Variants in SLX4 observed in about 807,000 individuals in gnomAD.
SLX4 encodes the protein structure-specific endonuclease subunit SLX4.
In SLX4, 112 loss-of-function variants were observed where a neutral mutation model predicts 146.2. The observed-to-expected ratio is 0.77, with a 90% CI of 0.66 to 0.90. The LOEUF (loss-of-function observed/expected upper bound fraction) is 0.90. SLX4 is among the 40% of genes least tolerant of loss of function. The pLI is 0.00. For synonymous variants in SLX4, 1,061 were observed against 997.7 expected (o/e 1.06, Z -1.20); for missense variants, 2,563 against 2,392.7 (o/e 1.07, Z -1.49).
At chr16:3,598,299 C>G (rs1415585772) in intron 5 of SLX4, among the ~76,000 whole-genome samples, 3 of 152,232 alleles carry the variant, frequency 2.0e-5, no homozygotes, top group African/African-American at 7.2e-5. Context: ...CCAAGCCCAT[C>G]CAATGGAGTC....
intron 7 of SLX4, among the ~76,000 whole-genome samples, chr16:3,596,680 G>A (rs1052418409): frequency 3.3e-5 from 5 of 152,228 alleles, no homozygotes; most frequent in Admixed American, 6.5e-5. Flanking sequence ...CAGGCCTGCC[G>A]CCCTCCTGAA....
intron 12 of SLX4, among the ~76,000 whole-genome samples, chr16:3,588,687 T>C (rs1320071196): frequency 1.3e-5 from 2 of 152,088 alleles, no homozygotes; most frequent in Non-Finnish European, 2.9e-5. Context: ...GCTGAATGAG[T>C]TGTGGCCTTT....
At chr16:3,592,590 T>G (rs1486972434) in intron 11 of SLX4, 109 bp downstream of exon 11, 2 of 1,275,156 alleles carry the variant, frequency 1.6e-6, no homozygotes, top group African/African-American at 3.0e-5. Flanking sequence ...TAAACAGGAC[T>G]GTTAGTTCTC....
Position 3,600,591 on chromosome 16 carries a change from CTTT to C in SLX4, c.1163+385_1163+387del, listed in dbSNP as rs974875930. 425 of 102,604 alleles carry C rather than the reference CTTT, an allele frequency of 4.1e-3. 4 individuals carry two copies. Among genetic ancestry groups the C allele is most frequent in the Admixed American group, 5.6e-3 (41 of 7,268 alleles). 6.4% of individuals were successfully genotyped at this position (102,604 alleles called of 1,614,324 possible). On this transcript the variant is annotated intron_variant, in intron 5 of 14. Transcript: ENST00000294008. ...TTTTTCCCTCCAACACTATAAAAAG[CTTT>C]TTTTTTTTTTTTTTTTTTTTTTTTT...
At position 3,583,483 on chromosome 16, in the gene SLX4, G is replaced by A. The variant is rs2040468096; in HGVS notation, c.4767C>T (p.Arg1589=). The change falls in exon 14 of 15, where the codon CGC becomes CGT. Residue 1589 remains arginine (R), a synonymous_variant. Transcript: ENST00000294008. ...DRFGVRPLPK[R]QMVLKLKEIF... ...TCTCCTTCAGCTTCAGAACCATCTG[G>A]CGTTTAGGCAGAGGGCGGACTCCAA... The A allele has an allele frequency of 1.9e-6, 3 of 1,614,058 alleles. No homozygotes were observed. The highest frequency in any genetic ancestry group is 3.3e-5 in the Admixed American group (2 of 59,996).
chr16:3,582,605 G>A lies in SLX4; in HGVS notation c.5242C>T (p.Gln1748Ter), dbSNP rs776789371. Residue 1748 changes from glutamine to a stop codon, truncating the protein, a stop_gained, in exon 15 of 15, where the codon CAG (glutamine) becomes TAG (stop). Coordinates refer to ENST00000294008, the MANE Select transcript of SLX4 (RefSeq NM_032444.4). LOFTEE classifies it low-confidence loss of function (END_TRUNC). ...AGCGCCTCGTCTGTGTCCGCCGCCT[G>A]CACGGCTGCCTGCGAGGCACTGACC... ...GEVSASQAAVQAADTDEALRC... is the reference protein window; with the variant it reads ...GEVSASQAAV 1.9e-5 allele frequency: 31 copies of A among 1,613,492 alleles called. No homozygotes were observed. Among genetic ancestry groups the A allele is most frequent in the Non-Finnish European group, 2.1e-5 (25 of 1,180,048 alleles).
intron 9 of SLX4, 65 bp downstream of exon 9, chr16:3,595,540 C>T (rs941184721): frequency 1.9e-6 from 3 of 1,586,132 alleles, no homozygotes; most frequent in Non-Finnish European, 2.6e-6. Context: ...GTGAGCCAAC[C>T]CCACCACACA....
rs1242573551 is a variant in SLX4 at position 3,608,815 on chromosome 16, G to C, written c.150C>G (p.Asp50Glu). The change falls in exon 2 of 15, where the codon GAC (aspartate) becomes GAG (glutamate). Residue 50 changes from aspartate (D) to glutamate (E), a missense_variant. Physicochemically the swap from Asp to Glu is conservative, Grantham distance 45. Transcript: ENST00000294008. Reference protein sequence around the residue: ...TGQMMDESDEDFKELCASFFQ... With the variant: ...TGQMMDESDEEFKELCASFFQ... Reference sequence around the variant, plus strand: ...AAAAGCTAGCGCAGAGTTCTTTAAAGTCCTCATCAGACTCATCCATCATCT... The same window carrying C: ...AAAAGCTAGCGCAGAGTTCTTTAAACTCCTCATCAGACTCATCCATCATCT... 1 of 1,613,996 alleles carries C rather than the reference G, an allele frequency of 6.2e-7. No individual in the cohort carries two copies. The highest frequency in any genetic ancestry group is 8.5e-7 in the Non-Finnish European group (1 of 1,180,042).
chr16:3,610,365 C>A (rs1210704610), intron 1 of SLX4, among the ~76,000 whole-genome samples: 1 of 152,192 alleles, frequency 6.6e-6, no homozygotes, highest in Admixed American at 6.5e-5. Context: ...TAATCCCTAT[C>A]ATCGCCCACT....
Position 3,605,206 on chromosome 16 carries a change from C to T in SLX4, c.760+1268G>A, listed in dbSNP as rs544325539. Reference sequence around the variant, plus strand: ...CCAGGTTCACGCCATTCTCCTGCCTCAGCCTCCCGAGTAGCTGGGACTACA... The same window carrying T: ...CCAGGTTCACGCCATTCTCCTGCCTTAGCCTCCCGAGTAGCTGGGACTACA... On this transcript the variant is annotated intron_variant, in intron 3 of 14. Transcript: ENST00000294008. 4.2e-4 allele frequency among the ~76,000 whole-genome samples: 64 copies of T among 152,244 alleles called. 2 individuals carry two copies. The South Asian group carries it at 7.9e-3, about 19-fold the overall frequency.
chr16:3,602,449 G>C (rs567804560), intron 3 of SLX4, 142 bp from the exon 4 acceptor site: 701 of 958,234 alleles, frequency 7.3e-4, no homozygotes, highest in Admixed American at 1.7e-3. Context: ...CTGCAGGCTG[G>C]TGACTTGGAC....
chr16:3,604,450 G>A (rs1376648658), intron 3 of SLX4, among the ~76,000 whole-genome samples: 2 of 152,086 alleles, frequency 1.3e-5, no homozygotes, highest in Non-Finnish European at 2.9e-5. Context: ...CGTGCTAATG[G>A]TATTGTGGTT....
In SLX4 at chr16:3,584,728, G is replaced by C. The variant is rs760702724; in HGVS notation, c.4739+41C>G. The C allele has an allele frequency of 8.7e-6, 13 of 1,491,074 alleles. No individual in the cohort carries two copies. The Admixed American group carries it at 2.2e-4, about 25-fold the overall frequency. The allele number at this position is 1,491,074 out of a possible 1,614,324, so 92.4% of individuals were successfully genotyped here. On this transcript the variant is annotated intron_variant, in intron 13 of 14. Coordinates refer to ENST00000294008, the MANE Select transcript of SLX4 (RefSeq NM_032444.4). ...GTGAAACCCAGTTACTTATGGGAGG[G>C]AAAAGACCACTGTGGGCAACAAGCT... is the stretch of plus-strand genomic sequence containing the variant.
chr16:3,584,813 C>A lies in SLX4; in HGVS notation c.4695G>T (p.Gln1565His). The A allele has an allele frequency of 6.2e-7, 1 of 1,614,200 alleles. No homozygotes were observed. Among genetic ancestry groups the A allele is most frequent in the East Asian group, 2.2e-5 (1 of 44,884 alleles). ...PPKVPITPMP[Q>H]YSIMETPVLK... Reference sequence around the variant, plus strand: ...GCACCGGCGTCTCCATAATGGAATACTGTGGCATCGGCGTTATGGGCACTT... The same window carrying A: ...GCACCGGCGTCTCCATAATGGAATAATGTGGCATCGGCGTTATGGGCACTT... Residue 1565 changes from glutamine to histidine, a missense_variant, in exon 13 of 15, where the codon CAG (glutamine) becomes CAT (histidine). Physicochemically the swap from Gln to His is conservative, Grantham distance 24. Coordinates refer to ENST00000294008, the MANE Select transcript of SLX4 (RefSeq NM_032444.4).
Position 3,594,470 on chromosome 16 carries a change from G to A in SLX4, c.2143C>T (p.Pro715Ser), listed in dbSNP as rs1183210458. 2 of 1,613,574 alleles carry A rather than the reference G, an allele frequency of 1.2e-6. No homozygotes were observed. Among genetic ancestry groups the A allele is most frequent in the African/African-American group, 2.7e-5 (2 of 74,924 alleles). The change falls in exon 10 of 15, where the codon CCG (proline) becomes TCG (serine). Residue 715 changes from proline to serine, a missense_variant. Coordinates refer to ENST00000294008, the MANE Select transcript of SLX4 (RefSeq NM_032444.4). ...AHKFVLYARCPLLIQYVNNEG... is the reference protein window; with the variant it reads ...AHKFVLYARCSLLIQYVNNEG... ...GTACTTACATACTGGATGAGGAGCG[G>A]GCATCGGGCATAAAGCACGAACTTG...
chr16:3,609,961 A>G (rs1013719697), intron 1 of SLX4, among the ~76,000 whole-genome samples: 4 of 152,258 alleles, frequency 2.6e-5, no homozygotes, highest in Non-Finnish European at 4.4e-5. Context: ...ACTGCAACAT[A>G]AGAGACAGAA....
intron 12 of SLX4, among the ~76,000 whole-genome samples, chr16:3,587,785 G>C (rs1249229377): frequency 6.6e-6 from 1 of 152,218 alleles, no homozygotes; most frequent in Non-Finnish European, 1.5e-5. Flanking sequence ...GAGGGCCGAG[G>C]ACACTATCAG....
chr16:3,600,925 C>T, intron 5 of SLX4, 54 bp downstream of exon 5: 1 of 1,594,482 alleles, frequency 6.3e-7, no homozygotes, highest in Non-Finnish European at 8.6e-7. Context: ...TAGAAAAAGC[C>T]CTGAGTGCAC....
intron 3 of SLX4, 144 bp downstream of exon 3, chr16:3,606,330 T>C: frequency 1.1e-6 from 1 of 877,830 alleles, no homozygotes; most frequent in Non-Finnish European, 1.9e-6. Context: ...TCTGGCTGGA[T>C]CCAGTGAAGT....
Sources: gnomAD v4.1 joint callset for allele counts (sites outside exome capture counted in the v4.1 genomes callset) on GRCh38, gnomAD v4.1.1 for gene constraint, MANE v1.5 for transcripts, NCBI Gene and HGNC (gene_info 2026-07-23, HGNC 2026-07-21) for gene names.